SDCCAG8: variants seen among roughly 807,000 people sequenced by gnomAD.
SDCCAG8 encodes SHH signaling and ciliogenesis regulator SDCCAG8.
Under a neutral mutation model 101.8 loss-of-function variants are expected in SDCCAG8, and 74 were observed. That is an observed-to-expected ratio of 0.73 (90% CI 0.60 to 0.88). The LOEUF is 0.88. Ranked by LOEUF, SDCCAG8 falls within the 40% of genes least tolerant of loss-of-function variation. The pLI is 0.00. For synonymous variants in SDCCAG8, 281 were observed against 292.9 expected (o/e 0.96, Z 0.41); for missense variants, 787 against 822.6 (o/e 0.96, Z 0.53).
intron 16 of SDCCAG8, among the ~76,000 whole-genome samples, chr1:243,468,722 A>G (rs1336688542): frequency 1.3e-5 from 2 of 152,218 alleles, no homozygotes; most frequent in Non-Finnish European, 2.9e-5. Context: ...AATGGCTGAC[A>G]AAGCATTTAG....
At chr1:243,269,552 A>G (rs1357330339) in intron 1 of SDCCAG8, among the ~76,000 whole-genome samples, 2 of 152,080 alleles carry the variant, frequency 1.3e-5, no homozygotes, top group Non-Finnish European at 2.9e-5. Context: ...CGGGGCTGCC[A>G]CTATAAGCAC....
At chr1:243,300,294 A>T (rs1052549377) in intron 6 of SDCCAG8, among the ~76,000 whole-genome samples, 2 of 151,892 alleles carry the variant, frequency 1.3e-5, no homozygotes, top group Admixed American at 1.3e-4. Flanking sequence ...TCTCCCCTAT[A>T]TCTATTCTGT....
chr1:243,438,983 C>A (rs74150997), intron 16 of SDCCAG8, among the ~76,000 whole-genome samples: 6,774 of 152,164 alleles, frequency 0.045, 546 homozygotes, highest in African/African-American at 0.15. Flanking sequence ...GCTGCCAATT[C>A]CTTCATTCCT....
Position 243,308,195 on chromosome 1 carries a change from C to T in SDCCAG8, c.929+18C>T, listed in dbSNP as rs200895248. ...CTGGTTAAGTAAGTATGCTTCTACG[C>T]GCACGGAGACTTTGGCAATATGGAA... On this transcript the variant is annotated intron_variant, in intron 8 of 17. Transcript: ENST00000366541. 484 of 1,613,568 alleles carry T rather than the reference C, an allele frequency of 3.0e-4. 1 individual carries two copies. The African/African-American group carries it at 5.3e-3, about 18-fold the overall frequency.
rs1558489172 is a variant in SDCCAG8, at chr1:243,452,409, C to CTTTTTTTTTTTTTTTTTTTTTTTTTTTTT, written c.1985+25851_1985+25852insTTTTTTTTTTTTTTTTTTTTTTTTTTTTT. Reference sequence around the variant, plus strand: ...CTTCTCCCTACCCTTGAGATGATCTCATCTCTTTTTTTTTTTTTTTTTTTT... The same window carrying CTTTTTTTTTTTTTTTTTTTTTTTTTTTTT: ...CTTCTCCCTACCCTTGAGATGATCTCTTTTTTTTTTTTTTTTTTTTTTTTTTTTTATCTCTTTTTTTTTTTTTTTTTTTT... On this transcript the variant is annotated intron_variant, in intron 16 of 17. Transcript: ENST00000366541. Among the ~76,000 whole-genome samples, 2 of 121,034 alleles carry CTTTTTTTTTTTTTTTTTTTTTTTTTTTTT rather than the reference C, an allele frequency of 1.7e-5. 1 individual carries two copies. The highest frequency in any genetic ancestry group is 6.8e-5 in the African/African-American group (2 of 29,552). The allele number at this position is 121,034 out of a possible 152,430, so 79.4% of individuals were successfully genotyped here. A position where few individuals can be genotyped will look rare whatever the true frequency, so the allele number is the denominator to read the frequency against.
chr1:243,417,737 G>C (rs1479475872), intron 14 of SDCCAG8, among the ~76,000 whole-genome samples: 1 of 152,134 alleles, frequency 6.6e-6, no homozygotes, highest in Non-Finnish European at 1.5e-5. Flanking sequence ...GTTACACCAA[G>C]CTGGTATGAT....
chr1:243,423,551 G>A (rs182743345), intron 15 of SDCCAG8, among the ~76,000 whole-genome samples: 105 of 152,124 alleles, frequency 6.9e-4, no homozygotes, highest in African/African-American at 2.5e-3. Context: ...ATTTTTAACC[G>A]TTTATGAATA....
At chr1:243,488,523 A>C (rs777684058) in intron 16 of SDCCAG8, 4 of 195,340 alleles carry the variant, frequency 2.0e-5, no homozygotes, top group Non-Finnish European at 4.3e-5. Flanking sequence ...GCAGAATGAC[A>C]AATTTAGGAT....
In SDCCAG8 at chr1:243,286,369, T is replaced by A; in HGVS notation, c.518T>A (p.Leu173Gln). 6.2e-7 allele frequency: 1 copy of A among 1,614,076 alleles called. No homozygotes were observed. The highest frequency in any genetic ancestry group is 8.5e-7 in the Non-Finnish European group (1 of 1,179,918). Residue 173 changes from leucine to glutamine, a missense_variant, in exon 5 of 18, where the codon CTG becomes CAG. Coordinates refer to ENST00000366541, the MANE Select transcript of SDCCAG8 (RefSeq NM_006642.5). Reference sequence around the variant, plus strand: ...AAATCTCAAAGACAAGAGGAGACACTGAGGGAACAAACACTTCTGGATGCA... The same window carrying A: ...AAATCTCAAAGACAAGAGGAGACACAGAGGGAACAAACACTTCTGGATGCA... ...QLKSQRQEET[L>Q]REQTLLDASG...
At chr1:243,280,544 C>A (rs2068940506) in intron 4 of SDCCAG8, among the ~76,000 whole-genome samples, 2 of 152,028 alleles carry the variant, frequency 1.3e-5, no homozygotes, top group Admixed American at 1.3e-4. Context: ...TATTTGAAAT[C>A]TTTCTTCTTT....
intron 13 of SDCCAG8, among the ~76,000 whole-genome samples, chr1:243,398,421 G>T (rs1054414755): frequency 3.9e-5 from 6 of 151,958 alleles, no homozygotes; most frequent in African/African-American, 1.4e-4. Context: ...AAGGAAAAAT[G>T]GTTAGTGATT....
intron 6 of SDCCAG8, among the ~76,000 whole-genome samples, chr1:243,298,850 G>A (rs573574124): frequency 2.6e-5 from 4 of 152,232 alleles, no homozygotes; most frequent in African/African-American, 7.2e-5. Flanking sequence ...TGTCTTGATT[G>A]TTATAGCCTG....
intron 12 of SDCCAG8, among the ~76,000 whole-genome samples, chr1:243,377,587 G>C (rs962063355): frequency 6.6e-6 from 1 of 151,840 alleles, no homozygotes; most frequent in South Asian, 2.1e-4. Context: ...TATTTATACT[G>C]TTATGAATTC....
chr1:243,483,237 C>A (rs1664111320), intron 16 of SDCCAG8, among the ~76,000 whole-genome samples: 1 of 152,044 alleles, frequency 6.6e-6, no homozygotes, highest in Non-Finnish European at 1.5e-5. Context: ...TTCCTCGGAG[C>A]GCGCCCCCTG....
In SDCCAG8 at chr1:243,346,745, A is replaced by G. The variant is rs527384379; in HGVS notation, c.1473+2414A>G. 6.6e-5 allele frequency among the ~76,000 whole-genome samples: 10 copies of G among 152,326 alleles called. No individual in the cohort carries two copies. The South Asian group carries it at 2.1e-3, about 32-fold the overall frequency. On this transcript the variant is annotated intron_variant, in intron 12 of 17. Coordinates refer to ENST00000366541, the MANE Select transcript of SDCCAG8 (RefSeq NM_006642.5). ...CAACTCCTTTGTATCTCTTCAGCTT[A>G]GAGAATTCCTGTCAGCCTCAGAGGA...
chr1:243,329,146 C>T (rs1002860280), intron 9 of SDCCAG8, among the ~76,000 whole-genome samples: 3 of 152,082 alleles, frequency 2.0e-5, no homozygotes, highest in Non-Finnish European at 2.9e-5. Context: ...TATGCCTTTT[C>T]ATTTATTTTA....
At chr1:243,368,545 G>C (rs1324566966) in intron 12 of SDCCAG8, among the ~76,000 whole-genome samples, 2 of 152,124 alleles carry the variant, frequency 1.3e-5, no homozygotes, top group South Asian at 4.1e-4. Flanking sequence ...CGTTAACATA[G>C]CTCTTGTGAT....
At chr1:243,331,608 T>C (rs1573356455) in intron 10 of SDCCAG8, among the ~76,000 whole-genome samples, 1 of 152,318 alleles carries the variant, frequency 6.6e-6, no homozygotes, top group East Asian at 1.9e-4. Flanking sequence ...TTATCCATTT[T>C]TAAAAATTGT....
chr1:243,278,109 C>T (rs2068727257), intron 4 of SDCCAG8, among the ~76,000 whole-genome samples: 1 of 152,178 alleles, frequency 6.6e-6, no homozygotes, highest in Admixed American at 6.5e-5. Context: ...TATTGAGTAT[C>T]CCTATCCATG....
Sources: allele counts gnomAD v4.1 joint callset (sites outside exome capture counted in the v4.1 genomes callset), GRCh38; gene constraint gnomAD v4.1.1; transcripts MANE v1.5; gene names NCBI Gene and HGNC (gene_info 2026-07-23, HGNC 2026-07-21).